NFIA: variants seen among roughly 807,000 people sequenced by gnomAD.
NFIA encodes nuclear factor I A.
Under a neutral mutation model 62.8 loss-of-function variants are expected in NFIA, and 8 were observed. The observed-to-expected ratio is 0.13, with a 90% confidence interval of 0.07 to 0.23. NFIA has a LOEUF of 0.23. Among genes scored for constraint, NFIA ranks in the 10% least tolerant of loss-of-function variants. The pLI, the probability that NFIA is intolerant of heterozygous loss-of-function variation, is 1.00. For missense variants in NFIA, 410 were observed against 642.1 expected (o/e 0.64, Z 3.91); for synonymous variants, 235 against 238.1 (o/e 0.99, Z 0.12).
chr1:61,444,942 A>ACT (rs1351761701), intron 10 of NFIA, among the ~76,000 whole-genome samples: 1 of 152,142 alleles, frequency 6.6e-6, no homozygotes, highest in African/African-American at 2.4e-5. Flanking sequence ...TCAAACTAGC[A>ACT]CTGTGTGTGT....
At chr1:61,156,059 G>T (rs1361787097) in intron 2 of NFIA, among the ~76,000 whole-genome samples, 1 of 152,116 alleles carries the variant, frequency 6.6e-6, no homozygotes, top group African/African-American at 2.4e-5. Context: ...GTTTGAACCC[G>T]GGAGGCGGAG....
Position 61,455,730 on chromosome 1 carries a change from G to A in NFIA, c.*410G>A. On this transcript the variant is annotated 3_prime_UTR_variant, in exon 11 of 11. Coordinates refer to ENST00000403491, the MANE Select transcript of NFIA (RefSeq NM_001134673.4). ...AGTATTTCATGAATTTACCCACACAGGTGTGATCCTCCTTGAGCATTGAGG... is the reference window on the plus strand; with the variant it reads ...AGTATTTCATGAATTTACCCACACAAGTGTGATCCTCCTTGAGCATTGAGG... 1 of 237,676 alleles carries A rather than the reference G, an allele frequency of 4.2e-6. No homozygotes were observed. The highest frequency in any genetic ancestry group is 1.2e-4 in the South Asian group (1 of 8,152). 14.7% of individuals were successfully genotyped at this position (237,676 alleles called of 1,614,324 possible). A position where few individuals can be genotyped will look rare whatever the true frequency, so the allele number is the denominator to read the frequency against.
At chr1:61,085,273 TATA>T (rs1443116179) in intron 1 of NFIA, among the ~76,000 whole-genome samples, 1 of 152,306 alleles carries the variant, frequency 6.6e-6, no homozygotes, top group Admixed American at 6.5e-5. Flanking sequence ...GTACTGTCCA[TATA>T]ATGATAACCC....
At chr1:61,252,218 T>C (rs1656086232) in intron 2 of NFIA, among the ~76,000 whole-genome samples, 1 of 152,192 alleles carries the variant, frequency 6.6e-6, no homozygotes, top group Admixed American at 6.5e-5. Flanking sequence ...ACCAAGACTT[T>C]TTGTTTTCTT....
At chr1:61,099,334 C>T (rs2100433000) in intron 2 of NFIA, among the ~76,000 whole-genome samples, 1 of 152,224 alleles carries the variant, frequency 6.6e-6, no homozygotes, top group South Asian at 2.1e-4. Flanking sequence ...TGGAGAGGAA[C>T]ATAGATTCAT....
intron 2 of NFIA, among the ~76,000 whole-genome samples, chr1:61,182,350 C>T (rs567337196): frequency 6.6e-6 from 1 of 152,012 alleles, no homozygotes; most frequent in Non-Finnish European, 1.5e-5. Context: ...CTTCTAAGGT[C>T]GAACACAGAT....
At chr1:61,316,887 G>A (rs1449994678) in intron 3 of NFIA, among the ~76,000 whole-genome samples, 2 of 152,140 alleles carry the variant, frequency 1.3e-5, no homozygotes, top group African/African-American at 4.8e-5. Flanking sequence ...CATTTGTATT[G>A]ACGGAAGGAG....
chr1:61,426,441 C>T (rs1402578175), intron 9 of NFIA, 24 bp from the exon 10 acceptor site: 4 of 1,513,152 alleles, frequency 2.6e-6, no homozygotes, highest in Non-Finnish European at 2.7e-6. Flanking sequence ...GCTTCCTGAA[C>T]GCATGTGTCC....
At chr1:61,341,060 C>CTTTTTTTTT (rs35203949) in intron 4 of NFIA, among the ~76,000 whole-genome samples, 3 of 108,792 alleles carry the variant, frequency 2.8e-5, no homozygotes, top group African/African-American at 7.3e-5. Flanking sequence ...TACCGGCATT[C>CTTTTTTTTT]TTTTTTTTTT....
intron 2 of NFIA, among the ~76,000 whole-genome samples, chr1:61,122,510 A>C (rs771230552): frequency 1.3e-5 from 2 of 152,200 alleles, no homozygotes; most frequent in Non-Finnish European, 2.9e-5. Flanking sequence ...TGGCATCTAG[A>C]AAGTGGTGGT....
chr1:61,339,142 T>G (rs1661769476), intron 4 of NFIA, among the ~76,000 whole-genome samples: 1 of 152,274 alleles, frequency 6.6e-6, no homozygotes, highest in Non-Finnish European at 1.5e-5. Flanking sequence ...CTCCATAAAC[T>G]TAGTGGTTAG....
At chr1:61,341,748 G>A (rs151252955) in intron 4 of NFIA, among the ~76,000 whole-genome samples, 414 of 152,362 alleles carry the variant, frequency 2.7e-3, no homozygotes, top group African/African-American at 9.7e-3. Context: ...AAAGTGCCTG[G>A]ATTACAGGCG....
At chr1:61,416,708 A>G (rs1427803894) in intron 9 of NFIA, among the ~76,000 whole-genome samples, 2 of 152,158 alleles carry the variant, frequency 1.3e-5, no homozygotes, top group African/African-American at 4.8e-5. Flanking sequence ...AGGTATTTTC[A>G]TATGCATTAC....
intron 2 of NFIA, among the ~76,000 whole-genome samples, chr1:61,172,080 T>C (rs1382602452): frequency 6.6e-6 from 1 of 152,162 alleles, no homozygotes; most frequent in African/African-American, 2.4e-5. Flanking sequence ...TTGGGTTCTT[T>C]CCCCTCTCAA....
At position 61,095,853 on chromosome 1, in the gene NFIA, A is replaced by G. The variant is rs556272190; in HGVS notation, c.559+7173A>G. On this transcript the variant is annotated intron_variant, in intron 2 of 10. Transcript: ENST00000403491. ...AGCACTATTTTAAAAACTAAATTGC[A>G]TGTAATTTTTACTATGCAGATTTTT... Among the ~76,000 whole-genome samples the G allele has an allele frequency of 4.6e-5, 7 of 152,292 alleles. No homozygotes were observed. The East Asian group carries it at 1.3e-3, about 29-fold the overall frequency.
chr1:61,406,547 C>CCG lies in NFIA; in HGVS notation c.1255-14_1255-13insGC. The CCG allele has an allele frequency of 1.2e-6, 1 of 800,016 alleles. No homozygotes were observed. The highest frequency in any genetic ancestry group is 1.9e-5 in the South Asian group (1 of 51,882). 49.6% of individuals were successfully genotyped at this position (800,016 alleles called of 1,614,324 possible). A position where few individuals can be genotyped will look rare whatever the true frequency, so the allele number is the denominator to read the frequency against. On this transcript the variant is annotated splice_polypyrimidine_tract_variant and intron_variant, in intron 8 of 10. Transcript: ENST00000403491. The stretch of plus-strand genomic sequence containing the variant: ...TTTCTTGTACGTGTGTTTTCTGCCC[C>CCG]CCCCCCCCCCACAGCCCAATGGGAG...
chr1:61,387,610 C>T (rs1394438209), intron 7 of NFIA, among the ~76,000 whole-genome samples: 3 of 152,038 alleles, frequency 2.0e-5, no homozygotes, highest in Non-Finnish European at 4.4e-5. Context: ...ATTGACTCCA[C>T]CAACCTCATC....
intron 8 of NFIA, 25 bp from the exon 9 acceptor site, chr1:61,406,536 GT>G: frequency 7.1e-7 from 1 of 1,413,550 alleles, no homozygotes; most frequent in Non-Finnish European, 9.5e-7. Flanking sequence ...TTGTACGTGT[GT>G]TTTCTGCCCC....
At chr1:61,086,939 C>T (rs1184644878) in intron 1 of NFIA, among the ~76,000 whole-genome samples, 2 of 152,082 alleles carry the variant, frequency 1.3e-5, no homozygotes, top group African/African-American at 4.8e-5. Context: ...GGTTTCTAAT[C>T]CTCATTTATT....
Sources: allele counts gnomAD v4.1 joint callset (sites outside exome capture counted in the v4.1 genomes callset), GRCh38; gene constraint gnomAD v4.1.1; transcripts MANE v1.5; gene names NCBI Gene and HGNC (gene_info 2026-07-23, HGNC 2026-07-21).